ARHGEF4: variants seen among roughly 807,000 people sequenced by gnomAD.
ARHGEF4 encodes the protein APC-stimulated guanine nucleotide exchange factor 1.
ARHGEF4 carries 119 observed loss-of-function variants against 162.0 expected under a neutral mutation model. That is an observed-to-expected ratio of 0.73 (90% CI 0.63 to 0.86). The LOEUF is 0.86. ARHGEF4 is among the 40% of genes least tolerant of loss of function. ARHGEF4 has a pLI of 0.00. For missense variants in ARHGEF4, 2,488 were observed against 2,456.0 expected (o/e 1.01, Z -0.28); for synonymous variants, 1,014 against 979.9 (o/e 1.03, Z -0.65).
chr2:130,886,138 G>T (rs1255663394), intron 1 of ARHGEF4, among the ~76,000 whole-genome samples: 1 of 151,942 alleles, frequency 6.6e-6, no homozygotes. Context: ...TGGTTTTCTT[G>T]TATTTAATCA....
At chr2:130,968,807 A>G (rs1190944974) in intron 4 of ARHGEF4, among the ~76,000 whole-genome samples, 3 of 152,168 alleles carry the variant, frequency 2.0e-5, no homozygotes, top group African/African-American at 4.8e-5. Flanking sequence ...AGTCCCAGCT[A>G]CTTGGGAGAC....
In ARHGEF4 at chr2:131,041,818, C is replaced by T. The variant is rs1228337170; in HGVS notation, c.4899C>T (p.Asp1633=). The change falls in exon 10 of 14, where the codon GAC becomes GAT. Residue 1633 remains aspartate (D), a synonymous_variant. Transcript: ENST00000409359. ...TTCCATCTCTGTTCTGCCCCAGGGA[C>T]TTCAAGGATGTTGAAGCCGCCTTGC... ...LLKYTHPQHR[D]FKDVEAALHA... is the part of the protein sequence containing the mutation. 1.2e-6 allele frequency: 2 copies of T among 1,613,176 alleles called. No individual in the cohort carries two copies. The highest frequency in any genetic ancestry group is 2.2e-5 in the South Asian group (2 of 91,058).
chr2:131,039,073 A>G lies in ARHGEF4; in HGVS notation c.4305+41A>G, dbSNP rs774313762. 4.6e-5 allele frequency: 72 copies of G among 1,561,714 alleles called. No homozygotes were observed. In the East Asian group the frequency reaches 1.6e-3, roughly 35 times the overall value. ...CCAGCTTCTCCCAAGTTGGGCCCATAAAAAGCTACCTGGTTCTGCAGAGAA... is the reference window on the plus strand; with the variant it reads ...CCAGCTTCTCCCAAGTTGGGCCCATGAAAAGCTACCTGGTTCTGCAGAGAA... On this transcript the variant is annotated intron_variant, in intron 6 of 13. Transcript: ENST00000409359.
intron 1 of ARHGEF4, among the ~76,000 whole-genome samples, chr2:130,843,945 G>A (rs1482702001): frequency 6.6e-6 from 1 of 152,202 alleles, no homozygotes; most frequent in African/African-American, 2.4e-5. Flanking sequence ...CTGCTCTCCA[G>A]GTATGGGCTG....
intron 4 of ARHGEF4, among the ~76,000 whole-genome samples, chr2:131,021,226 A>G (rs1270057608): frequency 2.0e-5 from 3 of 152,166 alleles, no homozygotes; most frequent in Non-Finnish European, 4.4e-5. Context: ...CTGACTTCAA[A>G]CTATACTACA....
At chr2:130,979,944 TTCTC>T (rs1238991215) in intron 4 of ARHGEF4, among the ~76,000 whole-genome samples, 9 of 152,122 alleles carry the variant, frequency 5.9e-5, no homozygotes, top group Non-Finnish European at 1.5e-5. Flanking sequence ...TTAACTATCA[TTCTC>T]TCTAACATGT....
At chr2:130,837,181 G>A (rs1447910643) in intron 1 of ARHGEF4, among the ~76,000 whole-genome samples, 189 bp downstream of exon 1, 6 of 152,128 alleles carry the variant, frequency 3.9e-5, no homozygotes, top group Non-Finnish European at 1.5e-5. Flanking sequence ...CCTGCAAAGT[G>A]GGGCCGTCTC....
rs1208615659 is a variant in ARHGEF4 at position 130,915,968 on chromosome 2, C to T, written c.2022C>T (p.Pro674=). The T allele has an allele frequency of 1.5e-5, 24 of 1,550,414 alleles. No individual in the cohort carries two copies. The highest frequency in any genetic ancestry group is 2.4e-5 in the East Asian group (1 of 40,928). The change falls in exon 2 of 14, where the codon CCC becomes CCT. Residue 674 remains proline (P), a synonymous_variant. Coordinates refer to ENST00000409359, the MANE Select transcript of ARHGEF4 (RefSeq NM_001367493.1). ...CTCCCTTGAGCACTGGCGAGACCCC[C>T]TGTGAGTCTCCCACTAGGGGGAAAA... The part of the protein sequence containing the change: ...PESPLSTGET[P]CESPTRGKTP...
At chr2:130,885,854 G>A (rs117204586) in intron 1 of ARHGEF4, among the ~76,000 whole-genome samples, 1 of 152,074 alleles carries the variant, frequency 6.6e-6, no homozygotes, top group East Asian at 1.9e-4. Context: ...ACAGGTGTGA[G>A]CCACCATGCC....
intron 1 of ARHGEF4, 50 bp downstream of exon 1, chr2:130,837,042 G>C: frequency 8.2e-7 from 1 of 1,225,118 alleles, no homozygotes; most frequent in Non-Finnish European, 1.0e-6. Context: ...CGCCCTGCGC[G>C]GGTGGGGAGG....
chr2:130,895,812 T>C (rs1460258229), intron 1 of ARHGEF4, among the ~76,000 whole-genome samples: 3 of 152,232 alleles, frequency 2.0e-5, no homozygotes, highest in African/African-American at 7.2e-5. Flanking sequence ...AACAGTGTTT[T>C]TTAAACAGGA....
Position 130,893,047 on chromosome 2 carries a change from A to G in ARHGEF4, c.40-20939A>G, listed in dbSNP as rs146771660. On this transcript the variant is annotated intron_variant, in intron 1 of 13. Coordinates refer to ENST00000409359, the MANE Select transcript of ARHGEF4 (RefSeq NM_001367493.1). ...GCCAGACCGCTGAGTGTGGCGTGCAAAGCCCCTGCACCTGGTTACTGCCTG... is the reference window on the plus strand; with the variant it reads ...GCCAGACCGCTGAGTGTGGCGTGCAGAGCCCCTGCACCTGGTTACTGCCTG... Among the ~76,000 whole-genome samples, 30 of 152,288 alleles carry G rather than the reference A, an allele frequency of 2.0e-4. No homozygotes were observed. The East Asian group carries it at 5.0e-3, about 25-fold the overall frequency.
chr2:130,898,196 G>A (rs78125866), intron 1 of ARHGEF4, among the ~76,000 whole-genome samples: 3,978 of 152,246 alleles, frequency 0.026, 150 homozygotes, highest in African/African-American at 0.089. Context: ...GCAGGAGCAC[G>A]ACAGACCTGA....
chr2:130,914,439 G>A lies in ARHGEF4; in HGVS notation c.493G>A (p.Ala165Thr), dbSNP rs1041276227. 218 of 1,436,066 alleles carry A rather than the reference G, an allele frequency of 1.5e-4. 3 individuals are homozygous for A. The South Asian group carries it at 3.0e-3, about 20-fold the overall frequency. 89.0% of individuals were successfully genotyped at this position (1,436,066 alleles called of 1,614,324 possible). A position where few individuals can be genotyped will look rare whatever the true frequency, so the allele number is the denominator to read the frequency against. The change falls in exon 2 of 14, where the codon GCG becomes ACG. Residue 165 changes from alanine to threonine, a missense_variant. Physicochemically the swap from Ala to Thr is moderately conservative, Grantham distance 58 (BLOSUM62 0). Transcript: ENST00000409359. The part of the protein sequence containing the change: ...EQEAGHLWDC[A>T]TSLERESLLA... ...GGAGGCAGGACACCTCTGGGACTGC[G>A]CGACCAGCCTGGAGCGAGAGTCTTT...
intron 4 of ARHGEF4, among the ~76,000 whole-genome samples, chr2:131,019,552 A>T (rs1296425772): frequency 6.6e-6 from 1 of 151,398 alleles, no homozygotes; most frequent in African/African-American, 2.4e-5. Flanking sequence ...TTTTTCCAGC[A>T]ATGTTTTGTA....
chr2:130,992,512 C>T (rs1395230921), intron 4 of ARHGEF4, among the ~76,000 whole-genome samples: 2 of 152,036 alleles, frequency 1.3e-5, no homozygotes, highest in African/African-American at 4.8e-5. Context: ...AGGTCTGCAG[C>T]TTCACTCCTG....
intron 4 of ARHGEF4, among the ~76,000 whole-genome samples, chr2:131,016,193 G>T (rs1328417402): frequency 2.0e-5 from 3 of 152,090 alleles, no homozygotes; most frequent in African/African-American, 7.2e-5. Context: ...GCCCCACCAG[G>T]ATCTCCCAGG....
In ARHGEF4 at chr2:131,041,837, G is replaced by A. The variant is rs1439795876; in HGVS notation, c.4918G>A (p.Ala1640Thr). The A allele has an allele frequency of 2.5e-6, 4 of 1,613,334 alleles. No homozygotes were observed. Among genetic ancestry groups the A allele is most frequent in the East Asian group, 2.2e-5 (1 of 44,892 alleles). The change falls in exon 10 of 14, where the codon GCC becomes ACC. Residue 1640 changes from alanine to threonine, a missense_variant. Ala to Thr is a moderately conservative substitution (Grantham distance 58). Coordinates refer to ENST00000409359, the MANE Select transcript of ARHGEF4 (RefSeq NM_001367493.1). ...QHRDFKDVEA[A>T]LHAMKNVAQL... ...CAGGGACTTCAAGGATGTTGAAGCC[G>A]CCTTGCATGCCATGAAGAACGTGGC...
At chr2:130,897,990 A>C (rs1357580959) in intron 1 of ARHGEF4, among the ~76,000 whole-genome samples, 1 of 152,240 alleles carries the variant, frequency 6.6e-6, no homozygotes, top group Non-Finnish European at 1.5e-5. Flanking sequence ...CATATAACAC[A>C]TGGTGAGTGT....
Sources: gnomAD v4.1 joint callset for allele counts (sites outside exome capture counted in the v4.1 genomes callset) on GRCh38, gnomAD v4.1.1 for gene constraint, MANE v1.5 for transcripts, NCBI Gene and HGNC (gene_info 2026-07-23, HGNC 2026-07-21) for gene names.